The following TCF4 variants were observed in gnomAD, a reference collection of about 807,000 sequenced individuals.
TCF4 encodes SL3-3 enhancer factor 2.
A neutral mutation model predicts 82.1 loss-of-function variants in TCF4; 3 were observed. The ratio of observed to expected loss-of-function variants is 0.04; its 90% CI spans 0.02 to 0.09. The LOEUF (loss-of-function observed/expected upper bound fraction) is 0.09, where lower values mean the gene tolerates loss of function less well. TCF4 is among the 10% of genes least tolerant of loss of function. TCF4 has a pLI of 1.00. For missense variants in TCF4, 518 were observed against 852.7 expected, an observed-to-expected ratio of 0.61 and a Z score of 4.89; for synonymous variants, 276 against 309.6, an observed-to-expected ratio of 0.89 and a Z score of 1.14.
At chr18:55,478,070 C>T (rs1017866009) in intron 3 of TCF4, among the ~76,000 whole-genome samples, 3 of 152,240 alleles carry the variant, frequency 2.0e-5, no homozygotes, top group Non-Finnish European at 4.4e-5. Context: ...TGAAGAATGA[C>T]GATAACCAGA....
At chr18:55,478,117 C>T (rs546960191) in intron 3 of TCF4, among the ~76,000 whole-genome samples, 1 of 152,226 alleles carries the variant, frequency 6.6e-6, no homozygotes, top group South Asian at 2.1e-4. Context: ...GAAGGGGTTC[C>T]GGGAAAGCCG....
chr18:55,588,403 GAAA>G, upstream of TCF4: 2 of 1,209,172 alleles, frequency 1.7e-6, no homozygotes, highest in South Asian at 1.5e-5. Flanking sequence ...ACCCCGAGGG[GAAA>G]AAAAAAAAAT....
At chr18:55,375,104 G>A (rs1360993774) in intron 6 of TCF4, among the ~76,000 whole-genome samples, 1 of 151,206 alleles carries the variant, frequency 6.6e-6, no homozygotes, top group Non-Finnish European at 1.5e-5. Context: ...AGATAAGACG[G>A]GATACAAGGA....
At chr18:55,251,930 G>GTTTTTTTTTTTTTTTTT (rs199695068) in intron 15 of TCF4, among the ~76,000 whole-genome samples, 1 of 101,272 alleles carries the variant, frequency 9.9e-6, no homozygotes, top group Non-Finnish European at 2.0e-5. Context: ...GGGGGATGAG[G>GTTTTTTTTTTTTTTTTT]TTTTTTTTTT....
intron 6 of TCF4, among the ~76,000 whole-genome samples, chr18:55,388,829 T>C (rs2092818932): frequency 6.6e-6 from 1 of 152,112 alleles, no homozygotes; most frequent in South Asian, 2.1e-4. Context: ...GGATTAAAAA[T>C]AATCCCAGCC....
chr18:55,537,743 A>T (rs1274069292), intron 3 of TCF4, among the ~76,000 whole-genome samples: 1 of 152,162 alleles, frequency 6.6e-6, no homozygotes, highest in East Asian at 1.9e-4. Context: ...GAATTAAAAA[A>T]GGTTCTCATA....
At chr18:55,631,327 G>A in exon 2 of TCF4, 1 of 1,543,740 alleles carries the variant, frequency 6.5e-7, no homozygotes, top group Non-Finnish European at 8.8e-7. Context: ...GGGATTACAG[G>A]TGTGAGCCAC....
intron 8 of TCF4, among the ~76,000 whole-genome samples, chr18:55,318,825 T>TA (rs1203859739): frequency 1.3e-5 from 2 of 152,160 alleles, no homozygotes; most frequent in Admixed American, 6.5e-5. Flanking sequence ...ACAACTGATT[T>TA]TACAAACCCT....
At chr18:55,624,829 G>A (rs2097724907) in intron 2 of TCF4, among the ~76,000 whole-genome samples, 1 of 152,128 alleles carries the variant, frequency 6.6e-6, no homozygotes, top group Admixed American at 6.5e-5. Flanking sequence ...AGGTATAGTA[G>A]GTATTAATCG....
At chr18:55,261,740 T>C (rs979033031) in intron 11 of TCF4, among the ~76,000 whole-genome samples, 2 of 152,236 alleles carry the variant, frequency 1.3e-5, no homozygotes, top group Non-Finnish European at 2.9e-5. Flanking sequence ...CCTGACACCT[T>C]GGTTTAAAGA....
chr18:55,262,603 C>T (rs187315989), intron 11 of TCF4, among the ~76,000 whole-genome samples: 157 of 152,272 alleles, frequency 1.0e-3, no homozygotes, highest in Middle Eastern at 3.4e-3. Flanking sequence ...TTTCCAGCCC[C>T]ATTCTTGAAC....
intron 8 of TCF4, among the ~76,000 whole-genome samples, chr18:55,285,028 C>G (rs963150148): frequency 6.6e-6 from 1 of 152,114 alleles, no homozygotes; most frequent in Non-Finnish European, 1.5e-5. Flanking sequence ...AGGACATAGG[C>G]CTCAGTAAGA....
intron 3 of TCF4, among the ~76,000 whole-genome samples, chr18:55,513,484 G>A (rs2096849624): frequency 1.3e-5 from 2 of 150,688 alleles, no homozygotes; most frequent in Admixed American, 6.6e-5. Context: ...ACCAAATAGT[G>A]AAAGAGTGTA....
chr18:55,434,763 C>CGTGCGTGT (rs2095290837), intron 5 of TCF4, among the ~76,000 whole-genome samples: 1 of 131,722 alleles, frequency 7.6e-6, no homozygotes, highest in African/African-American at 2.8e-5. Context: ...CTCAAGTATT[C>CGTGCGTGT]GTGTGTGTGT....
At chr18:55,448,190 T>C (rs2095559250) in intron 5 of TCF4, among the ~76,000 whole-genome samples, 1 of 152,208 alleles carries the variant, frequency 6.6e-6, no homozygotes, top group Non-Finnish European at 1.5e-5. Flanking sequence ...GAAAATAATA[T>C]TTGTTATAAA....
intron 1 of TCF4, among the ~76,000 whole-genome samples, chr18:55,587,519 AAG>A (rs1386523418): frequency 6.6e-6 from 1 of 151,068 alleles, no homozygotes; most frequent in Non-Finnish European, 1.5e-5. Flanking sequence ...TCACAGAGAA[AAG>A]AGAAACTACT....
chr18:55,275,579 C>T (rs772630702), intron 10 of TCF4, 40 bp downstream of exon 10: 1 of 1,613,360 alleles, frequency 6.2e-7, no homozygotes, highest in Admixed American at 1.7e-5. Flanking sequence ...GTTTAATCAA[C>T]TAGCTGTGAC....
chr18:55,599,118 G>A (rs766311407), intron 2 of TCF4, among the ~76,000 whole-genome samples: 8 of 152,222 alleles, frequency 5.3e-5, no homozygotes, highest in Non-Finnish European at 1.0e-4. Context: ...TTGGAGCTGA[G>A]TGAAGATTAT....
chr18:55,379,096 G>T (rs919966085), intron 6 of TCF4, among the ~76,000 whole-genome samples: 2 of 152,124 alleles, frequency 1.3e-5, no homozygotes, highest in South Asian at 2.1e-4. Context: ...CTGTTTCAAA[G>T]AACATATTTA....
Sources: gnomAD v4.1 joint callset for allele counts (sites outside exome capture counted in the v4.1 genomes callset) on GRCh38, gnomAD v4.1.1 for gene constraint, MANE v1.5 for transcripts, NCBI Gene and HGNC (gene_info 2026-07-23, HGNC 2026-07-21) for gene names.